Variants in TTN observed in about 807,000 individuals in gnomAD.
The protein encoded by TTN is connectin.
Under a neutral mutation model 3,223.0 loss-of-function variants are expected in TTN, and 1,525 were observed. The observed-to-expected ratio is 0.47, with a 90% CI of 0.45 to 0.49. The LOEUF (loss-of-function observed/expected upper bound fraction) is 0.49. TTN is among the 20% of genes least tolerant of loss of function. TTN has a pLI of 0.00. For synonymous variants in TTN, 14,094 were observed against 15,161.0 expected (o/e 0.93, Z 5.17); for missense variants, 40,786 against 43,424.0 (o/e 0.94, Z 5.40).
At position 178,721,954 on chromosome 2, in the gene TTN, G is replaced by T. The variant is rs1444461312; in HGVS notation, c.22709C>A (p.Pro7570His). The T allele has an allele frequency of 6.2e-7, 1 of 1,613,556 alleles. No individual in the cohort carries two copies. Among genetic ancestry groups the T allele is most frequent in the South Asian group, 1.1e-5 (1 of 91,064 alleles). The change falls in exon 78 of 363, where the codon CCT becomes CAT. Residue 7570 changes from proline (P) to histidine (H), a missense_variant. By Grantham distance (77) the Pro-to-His change is moderately conservative (BLOSUM62 -2). Transcript: ENST00000589042. ...GCCTACTTTAAGAATTCTCAAATGA[G>T]GAGTGTTTCCCACACATGTGATTGT... is the stretch of plus-strand genomic sequence containing the variant. ...NYTITCVGNT[P>H]HLRILKVGKG...
In TTN at chr2:178,780,127, T is replaced by G; in HGVS notation, c.3602A>C (p.Lys1201Thr). ...AAATCCAGGTGCTGTTTCTCCAACT[T>G]TAGGTTCTTGAACAAATGCAGTCAC... ...TQVTAFVQEP[K>T]VGETAPGFVY... The change falls in exon 22 of 363, where the codon AAA becomes ACA. Residue 1201 changes from lysine (K) to threonine (T), a missense_variant. Lys to Thr is a moderately conservative substitution (Grantham distance 78). Transcript: ENST00000589042. 6.2e-7 allele frequency: 1 copy of G among 1,613,892 alleles called. No homozygotes were observed. Among genetic ancestry groups the G allele is most frequent in the South Asian group, 1.1e-5 (1 of 91,064 alleles).
rs761566436 is a variant in TTN at position 178,774,311 on chromosome 2, C to T, written c.6953G>A (p.Arg2318His). The stretch of plus-strand genomic sequence containing the variant: ...CTTGACCGTGAGGTTCTGACGTCCA[C>T]GACGAGATGTAATTGTATATTTGCC... ...SNGKYTITSR[R>H]GRQNLTVKDV... The change falls in exon 30 of 363, where the codon CGT (arginine) becomes CAT (histidine). Residue 2318 changes from arginine to histidine, a missense_variant. By Grantham distance (29) the Arg-to-His change is conservative. Transcript: ENST00000589042. 70 of 1,613,914 alleles carry T rather than the reference C, an allele frequency of 4.3e-5. No individual in the cohort carries two copies. Among genetic ancestry groups the T allele is most frequent in the East Asian group, 2.4e-4 (11 of 44,898 alleles).
rs755083936 is a variant in TTN, at chr2:178,559,737, C to T, written c.86395G>A (p.Ala28799Thr). 2 of 1,599,296 alleles carry T rather than the reference C, an allele frequency of 1.3e-6. No individual in the cohort carries two copies. Among genetic ancestry groups the T allele is most frequent in the South Asian group, 2.3e-5 (2 of 88,322 alleles). ...CGAGAGTCTGTGGTATCAACATAAG[C>T]TCTAGTACGGAGGTCAGTGTCTGGC... ...SKPDTDLRTR[A>T]YVDTTDSRTS... Residue 28799 changes from alanine to threonine, a missense_variant, in exon 326 of 363, where the codon GCT (alanine) becomes ACT (threonine). Ala to Thr is a moderately conservative substitution (Grantham distance 58). Coordinates refer to ENST00000589042, the MANE Select transcript of TTN (RefSeq NM_001267550.2).
rs1272404083 is a variant in TTN at position 178,776,981 on chromosome 2, T to C, written c.4883A>G (p.Tyr1628Cys). ...AGCTTTATTAATAGCAGTCGCAGTATACCAGGCAGAATCTTGGCTGACAGT... is the reference window on the plus strand; with the variant it reads ...AGCTTTATTAATAGCAGTCGCAGTACACCAGGCAGAATCTTGGCTGACAGT... ...DSTVSQDSAW[Y>C]TATAINKAGR... The change falls in exon 28 of 363, where the codon TAT (tyrosine) becomes TGT (cysteine). Residue 1628 changes from tyrosine to cysteine, a missense_variant. Coordinates refer to ENST00000589042, the MANE Select transcript of TTN (RefSeq NM_001267550.2). The C allele has an allele frequency of 2.5e-6, 4 of 1,613,960 alleles. No homozygotes were observed. The highest frequency in any genetic ancestry group is 1.7e-5 in the Admixed American group (1 of 59,990).
chr2:178,589,468 C>T lies in TTN; in HGVS notation c.62257G>A (p.Asp20753Asn), dbSNP rs879217628. ...VQTKNEGGES[D>N]WVKTEEVVVK... ...ACAACTTCCTCTGTCTTCACCCAGT[C>T]ACTTTCCCCACCTTCATTCTTTGTT... The change falls in exon 304 of 363, where the codon GAC (aspartate) becomes AAC (asparagine). Residue 20753 changes from aspartate (D) to asparagine (N), a missense_variant. Transcript: ENST00000589042. The T allele has an allele frequency of 6.2e-7, 1 of 1,613,392 alleles. No homozygotes were observed. The highest frequency in any genetic ancestry group is 8.5e-7 in the Non-Finnish European group (1 of 1,179,644).
chr2:178,677,441 A>G, intron 146 of TTN, 154 bp from the exon 147 acceptor site: 1 of 701,280 alleles, frequency 1.4e-6, no homozygotes, highest in African/African-American at 1.9e-5. Context: ...AATTTACAAT[A>G]GACAGATACA....
intron 278 of TTN, 144 bp downstream of exon 278, chr2:178,606,877 T>TAATA: frequency 1.2e-6 from 1 of 860,182 alleles, no homozygotes; most frequent in East Asian, 2.8e-5. Context: ...TTAATGTTGC[T>TAATA]AATAGTTTTT....
chr2:178,787,506 CTAAA>C (rs567988150), intron 13 of TTN, among the ~76,000 whole-genome samples: 64 of 152,086 alleles, frequency 4.2e-4, no homozygotes, highest in Non-Finnish European at 8.5e-4. Flanking sequence ...ACAGATAACA[CTAAA>C]TAAATAAATA....
chr2:178,710,802 T>G lies in TTN; in HGVS notation c.28295A>C (p.Lys9432Thr). ...GCCACTTCGTATTTCTCTGCTGTCT[T>G]TGGCCCAGCTGACCTTTATCGGTTG... ...GTQPIKVSWAKDSREIRSGGK... is the reference protein window; with the variant it reads ...GTQPIKVSWATDSREIRSGGK... The change falls in exon 98 of 363, where the codon AAA becomes ACA. Residue 9432 changes from lysine to threonine, a missense_variant. Lys to Thr is a moderately conservative substitution (Grantham distance 78). Transcript: ENST00000589042. 1 of 1,613,944 alleles carries G rather than the reference T, an allele frequency of 6.2e-7. No homozygotes were observed. Among genetic ancestry groups the G allele is most frequent in the Non-Finnish European group, 8.5e-7 (1 of 1,179,842 alleles).
In TTN at chr2:178,669,675, G is replaced by A; in HGVS notation, c.35387C>T (p.Ala11796Val). 2 of 1,611,434 alleles carry A rather than the reference G, an allele frequency of 1.2e-6. No homozygotes were observed. Among genetic ancestry groups the A allele is most frequent in the South Asian group, 1.1e-5 (1 of 90,896 alleles). ...PEEPRVPPTK[A>V]PEVPKKIVPE... ...GACAATTTTCTTGGGTACTTCGGGT[G>A]CTTTAAAGATATTTATTTATCTTAT... Residue 11796 changes from alanine to valine, a missense_variant and splice_region_variant, in exon 158 of 363, where the codon GCA becomes GTA. Ala to Val is a moderately conservative substitution (Grantham distance 64, BLOSUM62 0). Coordinates refer to ENST00000589042, the MANE Select transcript of TTN (RefSeq NM_001267550.2).
Position 178,611,950 on chromosome 2 carries a change from C to G in TTN, c.50359G>C (p.Val16787Leu), listed in dbSNP as rs1419766789. The G allele has an allele frequency of 6.2e-7, 1 of 1,610,828 alleles. No homozygotes were observed. The highest frequency in any genetic ancestry group is 1.3e-5 in the African/African-American group (1 of 74,626). Residue 16787 changes from valine to leucine, a missense_variant, in exon 268 of 363, where the codon GTC becomes CTC. Physicochemically the swap from Val to Leu is conservative, Grantham distance 32 (BLOSUM62 1). Transcript: ENST00000589042. ...NDGGRPIQRY[V>L]IEKKERLGTR... ...CCTAACCTTTCTTTCTTCTCAATGACATATCTATTGAAACAACAAAGCATT... is the reference window on the plus strand; with the variant it reads ...CCTAACCTTTCTTTCTTCTCAATGAGATATCTATTGAAACAACAAAGCATT...
At chr2:178,692,415 C>T (rs1039692761) in intron 120 of TTN, 82 bp downstream of exon 120, 1 of 1,229,266 alleles carries the variant, frequency 8.1e-7, no homozygotes, top group African/African-American at 1.5e-5. Context: ...TTTACAGATG[C>T]TATTTTGTTA....
intron 346 of TTN, 79 bp from the exon 347 acceptor site, chr2:178,543,741 G>C: frequency 6.5e-7 from 1 of 1,528,424 alleles, no homozygotes; most frequent in Non-Finnish European, 8.8e-7. Flanking sequence ...AATCAACATA[G>C]TTCCTTTCTA....
At chr2:178,679,078 TTTTG>T (rs1231584968) in intron 142 of TTN, among the ~76,000 whole-genome samples, 1 of 152,024 alleles carries the variant, frequency 6.6e-6, no homozygotes, top group Non-Finnish European at 1.5e-5. Flanking sequence ...GTTTTGTCCA[TTTTG>T]ATATGCAAAA....
In TTN at chr2:178,535,154, T is replaced by G; in HGVS notation, c.101461A>C (p.Ile33821Leu). 3 of 1,613,864 alleles carry G rather than the reference T, an allele frequency of 1.9e-6. No homozygotes were observed. The highest frequency in any genetic ancestry group is 2.5e-6 in the Non-Finnish European group (3 of 1,179,850). Reference protein sequence around the residue: ...STKELYEKYMIAEDLGRGEFG... With the variant: ...STKELYEKYMLAEDLGRGEFG... ...TCACCACGCCCAAGATCTTCAGCAA[T>G]CATATATTTCTCATAGAGTTCCTTG... Residue 33821 changes from isoleucine to leucine, a missense_variant, in exon 358 of 363, where the codon ATT becomes CTT. Ile to Leu is a conservative substitution (Grantham distance 5). Coordinates refer to ENST00000589042, the MANE Select transcript of TTN (RefSeq NM_001267550.2).
At position 178,577,315 on chromosome 2, in the gene TTN, A is replaced by G. The variant is rs1366649624; in HGVS notation, c.69020T>C (p.Ile23007Thr). 1 of 1,612,704 alleles carries G rather than the reference A, an allele frequency of 6.2e-7. No individual in the cohort carries two copies. The highest frequency in any genetic ancestry group is 1.7e-5 in the Admixed American group (1 of 59,878). ...CGCATCTTTTCTAGTGGCATACTTG[A>G]TAGTAAGCATGGAAGATGTTGGGGT... ...TSTPTSSMLTIKYATRKDAGE... is the reference protein window; with the variant it reads ...TSTPTSSMLTTKYATRKDAGE... The change falls in exon 324 of 363, where the codon ATC becomes ACC. Residue 23007 changes from isoleucine to threonine, a missense_variant. By Grantham distance (89) the Ile-to-Thr change is moderately conservative. Transcript: ENST00000589042.
In TTN at chr2:178,618,716, T is replaced by C. The variant is rs2057779557; in HGVS notation, c.46834A>G (p.Thr15612Ala). 1 of 1,611,922 alleles carries C rather than the reference T, an allele frequency of 6.2e-7. No individual in the cohort carries two copies. Among genetic ancestry groups the C allele is most frequent in the African/African-American group, 1.3e-5 (1 of 74,770 alleles). ...GTTTGTTCAGCCGTAGTATCAATGG[T>C]TTTTGTAGATAAAGGTTCATTTTCT... ...FKENEPLSTK[T>A]IDTTAEQTSF... is the part of the protein sequence containing the mutation. Residue 15612 changes from threonine to alanine, a missense_variant, in exon 251 of 363, where the codon ACC becomes GCC. Thr to Ala is a moderately conservative substitution (Grantham distance 58). Coordinates refer to ENST00000589042, the MANE Select transcript of TTN (RefSeq NM_001267550.2).
At position 178,789,386 on chromosome 2, in the gene TTN, C is replaced by T; in HGVS notation, c.2050G>A (p.Glu684Lys). Reference sequence around the variant, plus strand: ...TTTCCATGGGTAACTTGGATTTGTTCTTGTCTAGTAGCCATAGTTTCTCTA... The same window carrying T: ...TTTCCATGGGTAACTTGGATTTGTTTTTGTCTAGTAGCCATAGTTTCTCTA... ...RTRETMATRQ[E>K]QIQVTHGKVD... is the part of the protein sequence containing the mutation. Residue 684 changes from glutamate to lysine, a missense_variant, in exon 13 of 363, where the codon GAA becomes AAA. Physicochemically the swap from Glu to Lys is moderately conservative, Grantham distance 56. Coordinates refer to ENST00000589042, the MANE Select transcript of TTN (RefSeq NM_001267550.2). 2 of 1,613,268 alleles carry T rather than the reference C, an allele frequency of 1.2e-6. No individual in the cohort carries two copies. The highest frequency in any genetic ancestry group is 2.2e-5 in the East Asian group (1 of 44,838).
rs748516187 is a variant in TTN at position 178,533,400 on chromosome 2, G to A, written c.103215C>T (p.Leu34405=). The A allele has an allele frequency of 1.6e-5, 26 of 1,613,642 alleles. No homozygotes were observed. The highest frequency in any genetic ancestry group is 1.5e-4 in the Admixed American group (9 of 59,996). The change falls in exon 358 of 363, where the codon CTC becomes CTT. Residue 34405 remains leucine, a synonymous_variant. Coordinates refer to ENST00000589042, the MANE Select transcript of TTN (RefSeq NM_001267550.2). ...KWEKDGQPLS[L]GPNIEIIHEG... is the part of the protein sequence containing the mutation. Reference sequence around the variant, plus strand: ...CATGGATAATTTCAATGTTAGGCCCGAGGGACAGTGGCTGACCATCTTTCT... The same window carrying A: ...CATGGATAATTTCAATGTTAGGCCCAAGGGACAGTGGCTGACCATCTTTCT...
Sources: gnomAD v4.1 joint callset for allele counts (sites outside exome capture counted in the v4.1 genomes callset) on GRCh38, gnomAD v4.1.1 for gene constraint, MANE v1.5 for transcripts, NCBI Gene and HGNC (gene_info 2026-07-23, HGNC 2026-07-21) for gene names.